Variants in MACROD2 observed in about 807,000 individuals in gnomAD.
MACROD2 encodes ADP-ribose glycohydrolase MACROD2.
A neutral mutation model predicts 70.4 loss-of-function variants in MACROD2; 36 were observed. The observed-to-expected ratio is 0.51, with a 90% CI of 0.39 to 0.68. The LOEUF is 0.68. Ranked by LOEUF, MACROD2 falls within the 30% of genes least tolerant of loss-of-function variation. The pLI, the probability that MACROD2 is intolerant of heterozygous loss-of-function variation, is 0.00. For missense variants in MACROD2, 496 were observed against 538.4 expected, an observed-to-expected ratio of 0.92 and a Z score of 0.78; for synonymous variants, 172 against 178.8, an observed-to-expected ratio of 0.96 and a Z score of 0.30.
At chr20:14,292,793 C>A (rs898933834) in intron 3 of MACROD2, among the ~76,000 whole-genome samples, 1 of 151,702 alleles carries the variant, frequency 6.6e-6, no homozygotes, top group South Asian at 2.1e-4. Flanking sequence ...TGCCACCACG[C>A]CCAGCTAATT....
At chr20:14,730,920 T>C (rs1257717697) in intron 5 of MACROD2, among the ~76,000 whole-genome samples, 2 of 151,834 alleles carry the variant, frequency 1.3e-5, no homozygotes, top group East Asian at 3.9e-4. Context: ...GGTATGCATG[T>C]TTTACATAAT....
chr20:15,718,018 C>CT (rs11087142), intron 8 of MACROD2, among the ~76,000 whole-genome samples: 11,791 of 140,346 alleles, frequency 0.084, 1,379 homozygotes, highest in African/African-American at 0.27. Flanking sequence ...TGTTTTCTCT[C>CT]TTTTTTTTTT....
intron 3 of MACROD2, among the ~76,000 whole-genome samples, chr20:14,344,290 G>A (rs996738035): frequency 3.3e-5 from 5 of 152,054 alleles, no homozygotes; most frequent in South Asian, 2.1e-4. Flanking sequence ...CCAGATTTTC[G>A]GGGATCAAGT....
At chr20:14,351,499 G>A (rs529208544) in intron 3 of MACROD2, among the ~76,000 whole-genome samples, 1 of 151,834 alleles carries the variant, frequency 6.6e-6, no homozygotes, top group East Asian at 1.9e-4. Context: ...TTTTATTTGT[G>A]GCTATTGTAA....
chr20:15,131,974 T>G (rs909514557), intron 5 of MACROD2, among the ~76,000 whole-genome samples: 2 of 151,966 alleles, frequency 1.3e-5, no homozygotes, highest in East Asian at 3.9e-4. Flanking sequence ...ATCTATATAC[T>G]ATATACAAGA....
chr20:15,865,996 G>T (rs928395157), intron 9 of MACROD2, among the ~76,000 whole-genome samples: 1 of 152,164 alleles, frequency 6.6e-6, no homozygotes, highest in African/African-American at 2.4e-5. Flanking sequence ...TATTGGGTTT[G>T]GGGTCAGCTG....
intron 6 of MACROD2, among the ~76,000 whole-genome samples, chr20:15,424,740 A>T (rs1600393120): frequency 6.6e-6 from 1 of 152,254 alleles, no homozygotes; most frequent in Non-Finnish European, 1.5e-5. Flanking sequence ...AAAAGAAGGG[A>T]AAGAATGGTA....
chr20:14,016,971 C>T (rs2053001489), intron 2 of MACROD2, among the ~76,000 whole-genome samples: 1 of 152,062 alleles, frequency 6.6e-6, no homozygotes, highest in Non-Finnish European at 1.5e-5. Flanking sequence ...GAGTTCCAAT[C>T]CATGAACATG....
chr20:14,618,285 C>A (rs545840505), intron 4 of MACROD2, among the ~76,000 whole-genome samples: 2 of 152,212 alleles, frequency 1.3e-5, no homozygotes, highest in South Asian at 4.2e-4. Context: ...CCTAGCTATA[C>A]CTTATCTTGT....
chr20:14,183,074 G>A (rs2081317766), intron 3 of MACROD2, among the ~76,000 whole-genome samples: 2 of 147,146 alleles, frequency 1.4e-5, no homozygotes, highest in South Asian at 4.4e-4. Context: ...TTGTTACATA[G>A]GTAAACTTGT....
At position 15,128,298 on chromosome 20, in the gene MACROD2, C is replaced by T. The variant is rs562620530; in HGVS notation, c.419-101642C>T. Among the ~76,000 whole-genome samples, 31 of 152,082 alleles carry T rather than the reference C, an allele frequency of 2.0e-4. No individual in the cohort carries two copies. The East Asian group carries it at 5.6e-3, about 27-fold the overall frequency. On this transcript the variant is annotated intron_variant, in intron 5 of 17. Coordinates refer to ENST00000684519, the MANE Select transcript of MACROD2 (RefSeq NM_001351661.2). ...CCTACCATATGATGGCTGGTATTTT[C>T]GAGAATTGTTTCTTTCTATCAGTAG...
At chr20:14,503,792 G>A (rs1233151560) in intron 4 of MACROD2, among the ~76,000 whole-genome samples, 1 of 152,208 alleles carries the variant, frequency 6.6e-6, no homozygotes, top group African/African-American at 2.4e-5. Context: ...GTGGTATGAT[G>A]TCCATGCCTG....
At chr20:14,231,440 T>G (rs1490672670) in intron 3 of MACROD2, among the ~76,000 whole-genome samples, 1 of 152,158 alleles carries the variant, frequency 6.6e-6, no homozygotes, top group Admixed American at 6.5e-5. Flanking sequence ...GTTTCCAGCT[T>G]CATCCATGTC....
intron 3 of MACROD2, among the ~76,000 whole-genome samples, chr20:14,179,839 A>G (rs559348909): frequency 6.6e-6 from 1 of 152,174 alleles, no homozygotes; most frequent in East Asian, 1.9e-4. Flanking sequence ...GTCTGACAAG[A>G]TGGGATGCTC....
intron 9 of MACROD2, among the ~76,000 whole-genome samples, chr20:15,876,317 A>C (rs928793961): frequency 6.6e-6 from 1 of 151,454 alleles, no homozygotes; most frequent in Non-Finnish European, 1.5e-5. Flanking sequence ...CCTGTGTCCA[A>C]GTGTTCTCAT....
intron 8 of MACROD2, among the ~76,000 whole-genome samples, chr20:15,844,453 G>A (rs2064207381): frequency 6.6e-6 from 1 of 152,136 alleles, no homozygotes; most frequent in Non-Finnish European, 1.5e-5. Flanking sequence ...TACTCCCCCA[G>A]ATAGCCTAGT....
chr20:14,898,500 G>A (rs6135302), intron 5 of MACROD2, among the ~76,000 whole-genome samples: 28,830 of 152,042 alleles, frequency 0.19, 2,932 homozygotes, highest in African/African-American at 0.22. Flanking sequence ...AGGCCGAGGC[G>A]GGCAGATCAC....
chr20:15,351,388 GA>G (rs1400962334), intron 6 of MACROD2, among the ~76,000 whole-genome samples: 1 of 152,014 alleles, frequency 6.6e-6, no homozygotes, highest in African/African-American at 2.4e-5. Flanking sequence ...TTGTATAATA[GA>G]AAAAAATATT....
intron 6 of MACROD2, among the ~76,000 whole-genome samples, chr20:15,323,857 A>G (rs1331264563): frequency 6.6e-6 from 1 of 152,156 alleles, no homozygotes; most frequent in Non-Finnish European, 1.5e-5. Context: ...ACCCCAGGCT[A>G]CACTTGAACA....
Sources: allele counts gnomAD v4.1 joint callset (sites outside exome capture counted in the v4.1 genomes callset), GRCh38; gene constraint gnomAD v4.1.1; transcripts MANE v1.5; gene names NCBI Gene and HGNC (gene_info 2026-07-23, HGNC 2026-07-21).